Variants in BACE2 observed in about 807,000 individuals in gnomAD.
The protein encoded by BACE2 is 56 kDa aspartic-like protease.
In BACE2, 17 loss-of-function variants were observed where a neutral mutation model predicts 46.2. The observed-to-expected ratio is 0.37, with a 90% CI of 0.25 to 0.55. The LOEUF (loss-of-function observed/expected upper bound fraction) is 0.55. Among genes scored for constraint, BACE2 ranks in the 20% least tolerant of loss-of-function variants. BACE2 has a pLI of 0.82. For synonymous variants in BACE2, 277 were observed against 295.9 expected (o/e 0.94, Z 0.66); for missense variants, 595 against 698.1 (o/e 0.85, Z 1.66).
rs549927401 is a variant in BACE2 at position 41,280,779 on chromosome 21, T to A, written c.*5155T>A. 1.3e-5 allele frequency: 2 copies of A among 152,424 alleles called. No homozygotes were observed. Among genetic ancestry groups the A allele is most frequent in the Admixed American group, 6.5e-5 (1 of 15,312 alleles). 9.4% of individuals were successfully genotyped at this position (152,424 alleles called of 1,614,324 possible). A position where few individuals can be genotyped will look rare whatever the true frequency, so the allele number is the denominator to read the frequency against. On this transcript the variant is annotated 3_prime_UTR_variant, in exon 9 of 9. Transcript: ENST00000330333. The stretch of plus-strand genomic sequence containing the variant: ...ACTCCCAGCAATAAATCCAGTATTT[T>A]CTTCCCTGCCCTGAGCTTCCTCTGG...
intron 7 of BACE2, among the ~76,000 whole-genome samples, chr21:41,254,402 C>G (rs910776284): frequency 3.3e-5 from 5 of 152,182 alleles, no homozygotes; most frequent in Non-Finnish European, 5.9e-5. Flanking sequence ...CCTCAAACCC[C>G]CTACAGCCAG....
At chr21:41,215,639 A>G (rs889838492) in intron 1 of BACE2, among the ~76,000 whole-genome samples, 4 of 152,204 alleles carry the variant, frequency 2.6e-5, no homozygotes, top group African/African-American at 9.7e-5. Context: ...TGTGACTTCT[A>G]TGGGAGGCTC....
At chr21:41,199,226 C>T (rs1476444806) in intron 1 of BACE2, among the ~76,000 whole-genome samples, 1 of 152,104 alleles carries the variant, frequency 6.6e-6, no homozygotes, top group Non-Finnish European at 1.5e-5. Flanking sequence ...GCGTCTGCTC[C>T]TCTTTCCCCT....
chr21:41,195,314 T>C (rs1985698480), intron 1 of BACE2, among the ~76,000 whole-genome samples: 1 of 152,190 alleles, frequency 6.6e-6, no homozygotes, highest in Admixed American at 6.5e-5. Flanking sequence ...GAGGGAGTGA[T>C]AAGTCCCTGT....
intron 8 of BACE2, among the ~76,000 whole-genome samples, chr21:41,272,452 G>C (rs1490840997): frequency 6.6e-6 from 1 of 151,274 alleles, no homozygotes; most frequent in Non-Finnish European, 1.5e-5. Flanking sequence ...GCTTGATATT[G>C]TCCACAGTTT....
In BACE2 at chr21:41,237,643, G is replaced by A; in HGVS notation, c.532G>A (p.Ala178Thr). The change falls in exon 3 of 9, where the codon GCC becomes ACC. Residue 178 changes from alanine (A) to threonine (T), a missense_variant. By Grantham distance (58) the Ala-to-Thr change is moderately conservative. Around this residue, in one of 3 missense-constraint regions of BACE2, gnomAD observed 248 missense variants for 261.4 expected, o/e 0.95. Transcript: ENST00000330333. ...CAATACTTCTTTTCTTGTCAACATT[G>A]CCACTATTTTTGAATCAGAGAATTT... Reference protein sequence around the residue: ...GFNTSFLVNIATIFESENFFL... With the variant: ...GFNTSFLVNITTIFESENFFL... 6.2e-7 allele frequency: 1 copy of A among 1,614,096 alleles called. No individual in the cohort carries two copies. The highest frequency in any genetic ancestry group is 8.5e-7 in the Non-Finnish European group (1 of 1,179,996).
At chr21:41,188,525 T>G (rs868138599) in intron 1 of BACE2, among the ~76,000 whole-genome samples, 2 of 151,728 alleles carry the variant, frequency 1.3e-5, no homozygotes, top group African/African-American at 4.8e-5. Flanking sequence ...GTGTCTAGAG[T>G]GGTGGCAAGA....
At chr21:41,222,131 G>C (rs28437018) in intron 1 of BACE2, among the ~76,000 whole-genome samples, 72,828 of 152,156 alleles carry the variant, frequency 0.48, 22,244 homozygotes, top group African/African-American at 0.87. Context: ...CTCAGTGTTT[G>C]CATCTGTGAC....
At chr21:41,217,865 C>A (rs756817345) in intron 1 of BACE2, among the ~76,000 whole-genome samples, 1 of 152,186 alleles carries the variant, frequency 6.6e-6, no homozygotes. Flanking sequence ...CCTGGGGACA[C>A]GCCTCCATGA....
chr21:41,218,449 G>T (rs1464800251), intron 1 of BACE2, among the ~76,000 whole-genome samples: 2 of 152,296 alleles, frequency 1.3e-5, no homozygotes, highest in East Asian at 3.9e-4. Flanking sequence ...TTTGGGTGGG[G>T]CCCGTGGGAG....
At chr21:41,204,630 A>AT (rs547226760) in intron 1 of BACE2, among the ~76,000 whole-genome samples, 144 of 152,248 alleles carry the variant, frequency 9.5e-4, no homozygotes, top group Middle Eastern at 3.4e-3. Flanking sequence ...ATATGTTGCA[A>AT]TTTTTTTCTC....
chr21:41,169,246 A>C (rs1984507549), intron 1 of BACE2, among the ~76,000 whole-genome samples: 1 of 151,884 alleles, frequency 6.6e-6, no homozygotes, highest in African/African-American at 2.4e-5. Context: ...GGAGCGATGC[A>C]TCTACACGCG....
intron 1 of BACE2, among the ~76,000 whole-genome samples, chr21:41,220,003 C>T (rs564165510): frequency 7.9e-5 from 12 of 152,274 alleles, no homozygotes; most frequent in African/African-American, 2.9e-4. Flanking sequence ...ATGCCAGTTG[C>T]GAGCTCCGGG....
At chr21:41,214,980 G>A (rs955569239) in intron 1 of BACE2, among the ~76,000 whole-genome samples, 1 of 152,102 alleles carries the variant, frequency 6.6e-6, no homozygotes, top group Non-Finnish European at 1.5e-5. Flanking sequence ...AAACCAGGAG[G>A]GCGCATTTCC....
Position 41,255,789 on chromosome 21 carries a change from C to T in BACE2, c.1135-1369C>T, listed in dbSNP as rs147501384. Among the ~76,000 whole-genome samples, 1,211 of 150,468 alleles carry T rather than the reference C, an allele frequency of 8.0e-3. 11 individuals are homozygous for T. Among genetic ancestry groups the T allele is most frequent in the Non-Finnish European group, 0.011 (740 of 67,478 alleles). ...TCCTACCTAAGGGGCCTGGGGAGTC[C>T]GCTCTACACACCATAAAGTTTCACC... On this transcript the variant is annotated intron_variant, in intron 7 of 8. Transcript: ENST00000330333.
At chr21:41,261,612 T>C (rs1307993116) in intron 8 of BACE2, among the ~76,000 whole-genome samples, 1 of 152,098 alleles carries the variant, frequency 6.6e-6, no homozygotes, top group Non-Finnish European at 1.5e-5. Flanking sequence ...TCATGAACTA[T>C]GCCCTGTGCC....
chr21:41,208,572 T>C (rs1231053801), intron 1 of BACE2, among the ~76,000 whole-genome samples: 1 of 152,110 alleles, frequency 6.6e-6, no homozygotes, highest in African/African-American at 2.4e-5. Context: ...CTTCTGAACA[T>C]GGGAGTGGCT....
chr21:41,237,865 T>A, intron 3 of BACE2, 136 bp downstream of exon 3: 1 of 658,160 alleles, frequency 1.5e-6, no homozygotes. Context: ...CAGACCAGCA[T>A]TCACACAATT....
intron 8 of BACE2, among the ~76,000 whole-genome samples, chr21:41,274,422 A>T (rs1165513215): frequency 6.6e-6 from 1 of 152,188 alleles, no homozygotes; most frequent in African/African-American, 2.4e-5. Flanking sequence ...TTACAGAAAA[A>T]TCAAATTCTT....
Sources: allele counts gnomAD v4.1 joint callset (sites outside exome capture counted in the v4.1 genomes callset), GRCh38; gene constraint gnomAD v4.1.1; regional missense constraint gnomAD v4.1.1; transcripts MANE v1.5; gene names NCBI Gene and HGNC (gene_info 2026-07-23, HGNC 2026-07-21).